RBM27: variants seen among roughly 807,000 people sequenced by gnomAD.
RBM27 encodes the protein RNA-binding protein 27.
In RBM27, 22 loss-of-function variants were observed where a neutral mutation model predicts 135.3. The observed-to-expected ratio is 0.16, with a 90% confidence interval of 0.12 to 0.23. RBM27 has a LOEUF of 0.23. Among genes scored for constraint, RBM27 ranks in the 10% least tolerant of loss-of-function variants. The probability of loss-of-function intolerance (pLI) is 1.00; values close to 1 mark genes in which losing one functional copy is unlikely to be tolerated. For missense variants in RBM27, 1,009 were observed against 1,281.0 expected (o/e 0.79, Z 3.24); for synonymous variants, 481 against 442.4 (o/e 1.09, Z -1.10).
chr5:146,232,736 T>A (rs564355958), intron 6 of RBM27, among the ~76,000 whole-genome samples: 1 of 152,182 alleles, frequency 6.6e-6, no homozygotes, highest in South Asian at 2.1e-4. Context: ...GCCCAGCTAA[T>A]TTTTGTATTT....
chr5:146,212,770 C>T (rs1012728637), intron 1 of RBM27, among the ~76,000 whole-genome samples: 1 of 151,892 alleles, frequency 6.6e-6, no homozygotes, highest in African/African-American at 2.4e-5. Flanking sequence ...AGTGCAGTGG[C>T]GTGATCTCAG....
chr5:146,250,034 G>A (rs190107587), intron 8 of RBM27, among the ~76,000 whole-genome samples: 13 of 152,274 alleles, frequency 8.5e-5, no homozygotes, highest in African/African-American at 3.1e-4. Context: ...GTGAAGTTTA[G>A]CATCTCCATA....
chr5:146,260,157 T>G (rs1232455087), intron 11 of RBM27, among the ~76,000 whole-genome samples: 2 of 151,630 alleles, frequency 1.3e-5, no homozygotes, highest in African/African-American at 4.8e-5. Flanking sequence ...AAATTAGTCG[T>G]GCGTGTTGGC....
intron 1 of RBM27, among the ~76,000 whole-genome samples, chr5:146,215,142 C>T (rs545541355): frequency 3.3e-5 from 5 of 152,270 alleles, no homozygotes; most frequent in Non-Finnish European, 7.4e-5. Flanking sequence ...CTCTGCCTCC[C>T]AGGCTCAAGC....
intron 1 of RBM27, among the ~76,000 whole-genome samples, chr5:146,209,845 CA>C (rs1233012673): frequency 3.3e-5 from 5 of 152,236 alleles, no homozygotes; most frequent in African/African-American, 1.2e-4. Flanking sequence ...GAACTTTGGC[CA>C]GAAGACTTCT....
chr5:146,264,780 A>G (rs1758548151), intron 14 of RBM27, among the ~76,000 whole-genome samples: 1 of 152,140 alleles, frequency 6.6e-6, no homozygotes, highest in South Asian at 2.1e-4. Flanking sequence ...ACAGAATAGA[A>G]AATCTAGAAA....
At chr5:146,217,509 C>T (rs1488994497) in intron 1 of RBM27, among the ~76,000 whole-genome samples, 2 of 109,550 alleles carry the variant, frequency 1.8e-5, no homozygotes, top group East Asian at 3.0e-4. Flanking sequence ...AGGTCTCACT[C>T]TGTTGCCTAG....
chr5:146,284,338 GT>G (rs1241218896), intron 19 of RBM27, among the ~76,000 whole-genome samples: 2 of 152,072 alleles, frequency 1.3e-5, no homozygotes, highest in African/African-American at 4.8e-5. Flanking sequence ...ACTTTTGTAA[GT>G]AGAGCAACTC....
intron 10 of RBM27, among the ~76,000 whole-genome samples, chr5:146,256,795 T>C (rs2126836046): frequency 6.6e-6 from 1 of 152,344 alleles, no homozygotes; most frequent in East Asian, 1.9e-4. Flanking sequence ...GGAGAAGTCA[T>C]GTTGTGTATA....
chr5:146,240,342 G>GTCTA (rs1272125963), intron 8 of RBM27, among the ~76,000 whole-genome samples: 1 of 151,696 alleles, frequency 6.6e-6, no homozygotes, highest in Non-Finnish European at 1.5e-5. Context: ...CTATCTGTCT[G>GTCTA]TCTATCTAGA....
intron 7 of RBM27, among the ~76,000 whole-genome samples, chr5:146,235,196 C>A (rs369835703): frequency 6.6e-6 from 1 of 151,922 alleles, no homozygotes; most frequent in Non-Finnish European, 1.5e-5. Flanking sequence ...ATTATAATTA[C>A]GGAAATTGTG....
intron 10 of RBM27, among the ~76,000 whole-genome samples, chr5:146,255,459 G>A (rs900855759): frequency 3.3e-5 from 5 of 152,138 alleles, no homozygotes; most frequent in Non-Finnish European, 7.4e-5. Context: ...TGAAGGACCT[G>A]CTTTGTATCC....
At chr5:146,227,548 A>G (rs1756732420) in intron 3 of RBM27, among the ~76,000 whole-genome samples, 1 of 152,136 alleles carries the variant, frequency 6.6e-6, no homozygotes. Flanking sequence ...TCTCCATTAG[A>G]TAGGTATTTG....
intron 3 of RBM27, 85 bp downstream of exon 3, chr5:146,223,612 G>A (rs1387785976): frequency 1.1e-5 from 16 of 1,433,892 alleles, no homozygotes; most frequent in South Asian, 2.9e-5. Flanking sequence ...CCTTTTAAAA[G>A]TAATTGTGTA....
intron 8 of RBM27, among the ~76,000 whole-genome samples, chr5:146,249,407 T>G (rs1275672111): frequency 1.3e-5 from 2 of 151,584 alleles, no homozygotes; most frequent in Non-Finnish European, 2.9e-5. Flanking sequence ...TAAATTGGGC[T>G]GGGCACGGTG....
intron 8 of RBM27, among the ~76,000 whole-genome samples, chr5:146,250,986 A>G (rs1757861128): frequency 6.6e-6 from 1 of 151,852 alleles, no homozygotes; most frequent in South Asian, 2.1e-4. Context: ...CATCTTGGCC[A>G]GGCTGGTCTT....
Position 146,233,721 on chromosome 5 carries a change from A to G in RBM27, c.1122A>G (p.Pro374=), listed in dbSNP as rs1757045490. 1 of 1,453,300 alleles carries G rather than the reference A, an allele frequency of 6.9e-7. No individual in the cohort carries two copies. The highest frequency in any genetic ancestry group is 1.9e-4 in the Middle Eastern group (1 of 5,400). 90.0% of individuals were successfully genotyped at this position (1,453,300 alleles called of 1,614,324 possible). The change falls in exon 7 of 21, where the codon CCA becomes CCG. Residue 374 remains proline (P), a synonymous_variant. Transcript: ENST00000265271. ...PVPQGHGQPP[P]SVVLPIPRPP... ...CCCAAGGACATGGTCAGCCTCCACC[A>G]TCCGTTGTGCTTCCCATACCAAGTA...
intron 1 of RBM27, among the ~76,000 whole-genome samples, chr5:146,218,053 C>T (rs1756289309): frequency 6.6e-6 from 1 of 152,196 alleles, no homozygotes; most frequent in African/African-American, 2.4e-5. Flanking sequence ...CCATTGCACC[C>T]AGCCTGAATG....
chr5:146,255,230 G>T, intron 10 of RBM27, 138 bp downstream of exon 10: 2 of 601,332 alleles, frequency 3.3e-6, no homozygotes, highest in Non-Finnish European at 5.1e-6. Context: ...AGGGTGCTAT[G>T]TATTAATCTC....
Sources: allele counts gnomAD v4.1 joint callset (sites outside exome capture counted in the v4.1 genomes callset), GRCh38; gene constraint gnomAD v4.1.1; transcripts MANE v1.5; gene names NCBI Gene and HGNC (gene_info 2026-07-23, HGNC 2026-07-21).